The following BICRA variants were observed in gnomAD, a reference collection of about 807,000 sequenced individuals.
BICRA encodes BRD4 interacting chromatin remodeling complex associated protein.
BICRA carries 31 observed loss-of-function variants against 96.9 expected under a neutral mutation model. The observed-to-expected ratio is 0.32, with a 90% confidence interval of 0.24 to 0.43. BICRA has a LOEUF of 0.43. BICRA is among the 20% of genes least tolerant of loss of function. BICRA has a pLI of 1.00. For synonymous variants in BICRA, 1,350 were observed against 1,071.8 expected, an observed-to-expected ratio of 1.26 and a Z score of -5.07; for missense variants, 2,283 against 2,190.3, an observed-to-expected ratio of 1.04 and a Z score of -0.84.
intron 1 of BICRA, among the ~76,000 whole-genome samples, chr19:47,635,330 C>G (rs13346400): frequency 0.026 from 3,941 of 151,918 alleles, 153 homozygotes; most frequent in African/African-American, 0.086. Flanking sequence ...TCACTGCAAC[C>G]TCCGCCTCCT....
In BICRA at chr19:47,695,354, C is replaced by T. The variant is rs751970537; in HGVS notation, c.3077-11C>T. 3.8e-6 allele frequency: 3 copies of T among 783,122 alleles called. No homozygotes were observed. Among genetic ancestry groups the T allele is most frequent in the Admixed American group, 2.6e-5 (1 of 38,990 alleles). The allele number at this position is 783,122 out of a possible 1,614,324, so 48.5% of individuals were successfully genotyped here. A position where few individuals can be genotyped will look rare whatever the true frequency, so the allele number is the denominator to read the frequency against. ...CGCAGGCCCTGTCTCCCCCACCCCA[C>T]CCACCCCCAGGCCTCCCTCCTCTGC... On this transcript the variant is annotated splice_polypyrimidine_tract_variant and intron_variant, in intron 9 of 14. Coordinates refer to ENST00000594866, the MANE Select transcript of BICRA (RefSeq NM_001394372.1).
In BICRA at chr19:47,680,599, G is replaced by T; in HGVS notation, c.1429G>T (p.Ala477Ser). ...CCAGAACCAGTTCCTACTGCCTGGC[G>T]CCCCGGCGGTCCAGCTCCCGCAGCA... The part of the protein sequence containing the change: ...PGQNQFLLPG[A>S]PAVQLPQQLS... Residue 477 changes from alanine (A) to serine (S), a missense_variant, in exon 6 of 15, where the codon GCC (alanine) becomes TCC (serine). Physicochemically the swap from Ala to Ser is moderately conservative, Grantham distance 99. Transcript: ENST00000594866. 6 of 1,609,186 alleles carry T rather than the reference G, an allele frequency of 3.7e-6. No individual in the cohort carries two copies. The highest frequency in any genetic ancestry group is 5.1e-6 in the Non-Finnish European group (6 of 1,178,594).
At chr19:47,620,793 C>T (rs952571222) in intron 1 of BICRA, among the ~76,000 whole-genome samples, 2 of 151,772 alleles carry the variant, frequency 1.3e-5, no homozygotes, top group Non-Finnish European at 2.9e-5. Flanking sequence ...CGATGAGTGG[C>T]GTCCAGGAAA....
chr19:47,620,990 C>CAG (rs1421998352), intron 1 of BICRA, among the ~76,000 whole-genome samples: 1 of 152,104 alleles, frequency 6.6e-6, no homozygotes, highest in Non-Finnish European at 1.5e-5. Context: ...CCCTGGCTGC[C>CAG]TCCCTGGTGC....
chr19:47,641,625 C>T lies in BICRA; in HGVS notation c.-107-28818C>T, dbSNP rs74548678. ...CTGCACTCCAGCCTGGGTGACAGAC[C>T]GACACCCCATTTCAAAAAATATAAA... is the stretch of plus-strand genomic sequence containing the variant. On this transcript the variant is annotated intron_variant, in intron 1 of 14. Coordinates refer to ENST00000594866, the MANE Select transcript of BICRA (RefSeq NM_001394372.1). Among the ~76,000 whole-genome samples, 1,063 of 152,010 alleles carry T rather than the reference C, an allele frequency of 7.0e-3. 21 individuals carry two copies. The highest frequency in any genetic ancestry group is 0.024 in the African/African-American group (990 of 41,448).
intron 1 of BICRA, among the ~76,000 whole-genome samples, chr19:47,657,557 C>T (rs536941268): frequency 3.5e-4 from 53 of 152,060 alleles, no homozygotes; most frequent in African/African-American, 1.2e-3. Context: ...CCACCACTCC[C>T]GGCTAATATT....
At position 47,624,243 on chromosome 19, in the gene BICRA, C is replaced by A. The variant is rs557294002; in HGVS notation, c.-108+15075C>A. Among the ~76,000 whole-genome samples the A allele has an allele frequency of 1.1e-4, 17 of 152,096 alleles. No individual in the cohort carries two copies. The South Asian group carries it at 3.3e-3, about 30-fold the overall frequency. On this transcript the variant is annotated intron_variant, in intron 1 of 14. Transcript: ENST00000594866. The stretch of plus-strand genomic sequence containing the variant: ...CTGGCTTATCTCCTACCCTTTTCAT[C>A]TTGCCTTTCACTCACCAAGCTGGTT...
At position 47,675,965 on chromosome 19, in the gene BICRA, C is replaced by T. The variant is rs779283127; in HGVS notation, c.150+49C>T. On this transcript the variant is annotated intron_variant, in intron 5 of 14. Transcript: ENST00000594866. This position sits in a 1 kb window ranked among gnomAD's most constrained non-coding sequence, Gnocchi z 4.7. ...TTGCCTGAGCTGTTGGGGCTGCCAG[C>T]GGGAGGAGGGCCCTGAAGCCAAGAG... 5.0e-5 allele frequency: 62 copies of T among 1,244,514 alleles called. No homozygotes were observed. Among genetic ancestry groups the T allele is most frequent in the South Asian group, 4.9e-4 (37 of 76,148 alleles). 77.1% of individuals were successfully genotyped at this position (1,244,514 alleles called of 1,614,324 possible).
chr19:47,653,527 C>G (rs1009686654), intron 1 of BICRA, among the ~76,000 whole-genome samples: 1 of 152,158 alleles, frequency 6.6e-6, no homozygotes, highest in Non-Finnish European at 1.5e-5. Flanking sequence ...TCTCCCTCCC[C>G]GCAGTCCTTA....
rs187447643 is a variant in BICRA at position 47,681,833 on chromosome 19, G to A, written c.2107-143G>A. ...GCAGGCTGCCTGGGTTTCGGCCTCT[G>A]TGCCTGGCACCCTGCCTGCCAGGCT... On this transcript the variant is annotated intron_variant, in intron 6 of 14. Coordinates refer to ENST00000594866, the MANE Select transcript of BICRA (RefSeq NM_001394372.1). 3.7e-5 allele frequency: 24 copies of A among 642,352 alleles called. 1 individual carries two copies. The highest frequency in any genetic ancestry group is 3.4e-4 in the Admixed American group (11 of 32,650). The allele number at this position is 642,352 out of a possible 1,614,324, so 39.8% of individuals were successfully genotyped here.
In BICRA at chr19:47,661,475, C is replaced by T. The variant is rs148219943; in HGVS notation, c.-107-8968C>T. 4.8e-3 allele frequency among the ~76,000 whole-genome samples: 716 copies of T among 149,774 alleles called. 7 individuals carry two copies. In the East Asian group the frequency reaches 0.051, roughly 11 times the overall value. On this transcript the variant is annotated intron_variant, in intron 1 of 14. Coordinates refer to ENST00000594866, the MANE Select transcript of BICRA (RefSeq NM_001394372.1). ...GAGCAGAGGCCAGAGGGAGCCGGGC[C>T]GGGGAGGAGGGCTTTCTATGGTCGT...
intron 1 of BICRA, among the ~76,000 whole-genome samples, chr19:47,638,960 C>G (rs1440671377): frequency 6.6e-6 from 1 of 151,980 alleles, no homozygotes; most frequent in South Asian, 2.1e-4. Context: ...CTGCCAACAG[C>G]AGGTTACATT....
chr19:47,696,395 C>G (rs1973342886), intron 10 of BICRA, 56 bp from the exon 11 acceptor site: 2 of 1,493,654 alleles, frequency 1.3e-6, no homozygotes, highest in Non-Finnish European at 1.8e-6. Flanking sequence ...GGAAGCTGGT[C>G]GGGGGAGGGA....
At chr19:47,642,727 A>G (rs1972401833) in intron 1 of BICRA, among the ~76,000 whole-genome samples, 1 of 152,140 alleles carries the variant, frequency 6.6e-6, no homozygotes, top group African/African-American at 2.4e-5. Flanking sequence ...AAGAAAAAGA[A>G]AAAAGAAAGA....
In BICRA at chr19:47,680,752, C is replaced by T; in HGVS notation, c.1582C>T (p.Pro528Ser). 3 of 1,608,990 alleles carry T rather than the reference C, an allele frequency of 1.9e-6. No individual in the cohort carries two copies. The highest frequency in any genetic ancestry group is 3.4e-5 in the Admixed American group (2 of 59,516). ...QNLAGPLSLG[P>S]VLAPHSGAHS... The stretch of plus-strand genomic sequence containing the variant: ...CCTGGCGGGCCCACTGAGCCTGGGC[C>T]CCGTGTTGGCCCCCCACTCCGGGGC... The change falls in exon 6 of 15, where the codon CCC becomes TCC. Residue 528 changes from proline to serine, a missense_variant. Transcript: ENST00000594866.
At chr19:47,610,841 G>A (rs1165221626) in intron 1 of BICRA, among the ~76,000 whole-genome samples, 4 of 152,074 alleles carry the variant, frequency 2.6e-5, no homozygotes, top group Non-Finnish European at 5.9e-5. Context: ...TGAGAAAATG[G>A]GAAGACAACT....
chr19:47,696,320 T>G, intron 10 of BICRA, 131 bp from the exon 11 acceptor site: 1 of 764,836 alleles, frequency 1.3e-6, no homozygotes. Flanking sequence ...ATCCTGTAGC[T>G]GGGGCCAGGC....
intron 1 of BICRA, among the ~76,000 whole-genome samples, chr19:47,651,859 C>T (rs1189523347): frequency 6.6e-6 from 1 of 152,192 alleles, no homozygotes; most frequent in Non-Finnish European, 1.5e-5. Flanking sequence ...ATCTTTGAGC[C>T]AACCAGCGTT....
intron 1 of BICRA, among the ~76,000 whole-genome samples, chr19:47,643,695 G>A (rs140559184): frequency 1.1e-4 from 17 of 152,296 alleles, no homozygotes; most frequent in Admixed American, 3.9e-4. Context: ...TGCTTTTCTC[G>A]TGGTGGCCCT....
Sources: gnomAD v4.1 joint callset for allele counts (sites outside exome capture counted in the v4.1 genomes callset) on GRCh38, gnomAD v4.1.1 for gene constraint, Gnocchi (gnomAD v3.1) non-coding constraint, MANE v1.5 for transcripts, NCBI Gene and HGNC (gene_info 2026-07-23, HGNC 2026-07-21) for gene names.